TRIP6: variants seen among roughly 807,000 people sequenced by gnomAD.
TRIP6 encodes thyroid hormone receptor interactor 6, also known as thyroid receptor-interacting protein 6.
In TRIP6, 33 loss-of-function variants were observed where a neutral mutation model predicts 51.9. The ratio of observed to expected loss-of-function variants is 0.64; its 90% confidence interval spans 0.48 to 0.85. The LOEUF (loss-of-function observed/expected upper bound fraction) is 0.85, where lower values mean the gene tolerates loss of function less well. Among genes scored for constraint, TRIP6 ranks in the 40% least tolerant of loss-of-function variants. The pLI, the probability that TRIP6 is intolerant of heterozygous loss-of-function variation, is 0.00. For synonymous variants in TRIP6, 255 were observed against 275.8 expected, an observed-to-expected ratio of 0.92 and a Z score of 0.75; for missense variants, 661 against 652.1, an observed-to-expected ratio of 1.01 and a Z score of -0.15.
Position 100,873,363 on chromosome 7 carries a change from T to A in TRIP6, c.*60T>A. The A allele has an allele frequency of 5.2e-6, 8 of 1,552,988 alleles. No homozygotes were observed. Among genetic ancestry groups the A allele is most frequent in the Non-Finnish European group, 7.0e-6 (8 of 1,145,052 alleles). ...CAGTTCCCATCCTTTGATTGATCAC[T>A]CTCCCTGACATCCACCTGTATGACT... On this transcript the variant is annotated 3_prime_UTR_variant, in exon 9 of 9. Transcript: ENST00000200457.
In TRIP6 at chr7:100,872,312, C is replaced by T. The variant is rs372198493; in HGVS notation, c.1179-312C>T. ...CCGCCCAAAGTGCAGGGATAGCAGGCGTAAGCCACTGCACCCAGTCTTCTT... is the reference window on the plus strand; with the variant it reads ...CCGCCCAAAGTGCAGGGATAGCAGGTGTAAGCCACTGCACCCAGTCTTCTT... On this transcript the variant is annotated intron_variant, in intron 7 of 8. Coordinates refer to ENST00000200457, the MANE Select transcript of TRIP6 (RefSeq NM_003302.3). Among the ~76,000 whole-genome samples the T allele has an allele frequency of 1.3e-4, 19 of 151,244 alleles. No homozygotes were observed. In the East Asian group the frequency reaches 2.6e-3, roughly 20 times the overall value.
chr7:100,873,364 C>G lies in TRIP6; in HGVS notation c.*61C>G, dbSNP rs982931099. ...AGTTCCCATCCTTTGATTGATCACT[C>G]TCCCTGACATCCACCTGTATGACTT... is the stretch of plus-strand genomic sequence containing the variant. On this transcript the variant is annotated 3_prime_UTR_variant, in exon 9 of 9. Transcript: ENST00000200457. 5.2e-6 allele frequency: 8 copies of G among 1,552,244 alleles called. No homozygotes were observed. The Admixed American group carries it at 5.4e-5, about 10-fold the overall frequency.
At chr7:100,870,515 A>C (rs776595948) in intron 5 of TRIP6, 52 bp downstream of exon 5, 1 of 1,603,814 alleles carries the variant, frequency 6.2e-7, no homozygotes, top group Non-Finnish European at 8.5e-7. Flanking sequence ...GCTGGGAGAC[A>C]GAGGGGACAG....
chr7:100,868,949 GC>G (rs1815211631), intron 4 of TRIP6, 83 bp downstream of exon 4: 1 of 1,402,002 alleles, frequency 7.1e-7, no homozygotes, highest in South Asian at 1.8e-5. Flanking sequence ...GTTTTAGGGG[GC>G]TTTTTTGTTT....
rs372966811 is a variant in TRIP6 at position 100,871,653 on chromosome 7, C to T, written c.1110C>T (p.Arg370=). The change falls in exon 7 of 9, where the codon CGC becomes CGT. Residue 370 remains arginine, a synonymous_variant. Transcript: ENST00000200457. ...GCTTCACCTGCGTGGTGTGTCACCG[C>T]GGCCTCGACGGCATCCCCTTCACAG... The part of the protein sequence containing the change: ...PGCFTCVVCH[R]GLDGIPFTVD... 21 of 1,613,978 alleles carry T rather than the reference C, an allele frequency of 1.3e-5. No homozygotes were observed. The highest frequency in any genetic ancestry group is 1.1e-4 in the South Asian group (10 of 91,090).
At position 100,872,738 on chromosome 7, in the gene TRIP6, G is replaced by A; in HGVS notation, c.1293G>A (p.Lys431=). The change falls in exon 8 of 9, where the codon AAG becomes AAA. Residue 431 remains lysine, a synonymous_variant. Coordinates refer to ENST00000200457, the MANE Select transcript of TRIP6 (RefSeq NM_003302.3). ...LDRSFHIGCY[K]CEECGLLLSS... ...GAAGTTTTCACATTGGCTGTTACAA[G>A]TGCGAGGTCAGGGGCCCCCAGCACG... 1.2e-6 allele frequency: 2 copies of A among 1,614,074 alleles called. No homozygotes were observed. The highest frequency in any genetic ancestry group is 1.7e-6 in the Non-Finnish European group (2 of 1,179,954).
rs901959948 is a variant in TRIP6, at chr7:100,870,811, A to G, written c.999+68A>G. 35 of 1,542,468 alleles carry G rather than the reference A, an allele frequency of 2.3e-5. No homozygotes were observed. The African/African-American group carries it at 4.2e-4, about 19-fold the overall frequency. ...CAGGGGGCTTCCATCCAAGGTGGTA[A>G]CTAGAGCGTCCAAGACCAAAGGAGG... On this transcript the variant is annotated intron_variant, in intron 6 of 8. Transcript: ENST00000200457.
At chr7:100,871,797 G>T (rs1013497886) in intron 7 of TRIP6, 76 bp downstream of exon 7, 1 of 1,523,296 alleles carries the variant, frequency 6.6e-7, no homozygotes. Context: ...CCCCAGGACT[G>T]TCTCTTCCTG....
At chr7:100,870,513 A>C in intron 5 of TRIP6, 50 bp downstream of exon 5, 1 of 1,605,954 alleles carries the variant, frequency 6.2e-7, no homozygotes, top group Non-Finnish European at 8.5e-7. Context: ...AGGCTGGGAG[A>C]CAGAGGGGAC....
chr7:100,867,861 C>T lies in TRIP6; in HGVS notation c.110C>T (p.Ala37Val). The T allele has an allele frequency of 6.5e-7, 1 of 1,537,422 alleles. No homozygotes were observed. Reference protein sequence around the residue: ...TPGPPPAHGAALQPHPRVNFC... With the variant: ...TPGPPPAHGAVLQPHPRVNFC... ...TTTGATTTCTCTTCCCTCAACCCAG[C>T]ACTCCAGCCCCACCCCAGGGTCAAT... The change falls in exon 2 of 9, where the codon GCA becomes GTA. Residue 37 changes from alanine (A) to valine (V), a missense_variant and splice_region_variant. Coordinates refer to ENST00000200457, the MANE Select transcript of TRIP6 (RefSeq NM_003302.3). This position sits in a 1 kb window ranked among gnomAD's most constrained non-coding sequence, Gnocchi z 5.4.
chr7:100,869,632 CAAAA>C (rs757024618), intron 4 of TRIP6, among the ~76,000 whole-genome samples: 1 of 37,640 alleles, frequency 2.7e-5, no homozygotes, highest in Non-Finnish European at 5.4e-5. Context: ...AACTCTGTCT[CAAAA>C]AAAAAAAAAA....
At position 100,868,846 on chromosome 7, in the gene TRIP6, G is replaced by A. The variant is rs943305136; in HGVS notation, c.715G>A (p.Gly239Arg). 5 of 1,514,604 alleles carry A rather than the reference G, an allele frequency of 3.3e-6. No individual in the cohort carries two copies. Among genetic ancestry groups the A allele is most frequent in the Non-Finnish European group, 3.5e-6 (4 of 1,137,200 alleles). 93.8% of individuals were successfully genotyped at this position (1,514,604 alleles called of 1,614,324 possible). ...GVSGPAGRGR[G>R]GEHGPQVPLS... ...CTCTGGCCCTGCAGGAAGAGGAAGA[G>A]GAGGCGAGCACGGGCCCCAGGTGAG... The change falls in exon 4 of 9, where the codon GGA becomes AGA. Residue 239 changes from glycine (G) to arginine (R), a missense_variant. Physicochemically the swap from Gly to Arg is moderately radical, Grantham distance 125. Transcript: ENST00000200457.
chr7:100,871,275 T>C (rs889165179), intron 6 of TRIP6: 1 of 549,182 alleles, frequency 1.8e-6, no homozygotes, highest in East Asian at 3.2e-5. Context: ...CCTCAAGCAG[T>C]CCGCCCACTC....
chr7:100,870,145 C>A (rs968632309), intron 4 of TRIP6, among the ~76,000 whole-genome samples: 3 of 152,188 alleles, frequency 2.0e-5, no homozygotes, highest in African/African-American at 7.2e-5. Flanking sequence ...AGGGTTCATG[C>A]TCCTATGAGA....
chr7:100,868,143 A>T lies in TRIP6; in HGVS notation c.273A>T (p.Gly91=). ...LPADRGGLRP[G]SLDAEIDLLS... The stretch of plus-strand genomic sequence containing the variant: ...CAGACAGGGGGGGCCTTCGCCCTGG[A>T]AGCCTGGACGCCGAGATAGACTTGC... Residue 91 remains glycine (G), a synonymous_variant, in exon 3 of 9, where the codon GGA becomes GGT. Coordinates refer to ENST00000200457, the MANE Select transcript of TRIP6 (RefSeq NM_003302.3). 6.2e-7 allele frequency: 1 copy of T among 1,611,936 alleles called. No individual in the cohort carries two copies. Among genetic ancestry groups the T allele is most frequent in the Non-Finnish European group, 8.5e-7 (1 of 1,179,344 alleles).
chr7:100,873,042 G>T (rs1452887930), intron 8 of TRIP6, 130 bp from the exon 9 acceptor site: 13 of 1,321,940 alleles, frequency 9.8e-6, no homozygotes, highest in Non-Finnish European at 1.2e-5. Context: ...GTAGAGACAG[G>T]GTTTCACCAT....
chr7:100,871,493 T>C (rs1378025450), intron 6 of TRIP6, 50 bp from the exon 7 acceptor site: 1 of 1,589,394 alleles, frequency 6.3e-7, no homozygotes, highest in East Asian at 2.2e-5. Flanking sequence ...CCTGTTGAGC[T>C]GCCATGGCTC....
In TRIP6 at chr7:100,873,320, C is replaced by A; in HGVS notation, c.*17C>A. 1 of 1,589,426 alleles carries A rather than the reference C, an allele frequency of 6.3e-7. No individual in the cohort carries two copies. The highest frequency in any genetic ancestry group is 1.7e-5 in the Admixed American group (1 of 59,490). On this transcript the variant is annotated 3_prime_UTR_variant, in exon 9 of 9. Coordinates refer to ENST00000200457, the MANE Select transcript of TRIP6 (RefSeq NM_003302.3). ...GACTGCTGAGTCTTCCTAGAAGTAC[C>A]TGCTGGGTTCTCAGTTCCAGTTCCC...
In TRIP6 at chr7:100,873,425, G is replaced by A. The variant is rs1368494620; in HGVS notation, c.*122G>A. 1 of 1,391,472 alleles carries A rather than the reference G, an allele frequency of 7.2e-7. No individual in the cohort carries two copies. Among genetic ancestry groups the A allele is most frequent in the Non-Finnish European group, 9.6e-7 (1 of 1,045,786 alleles). 86.2% of individuals were successfully genotyped at this position (1,391,472 alleles called of 1,614,324 possible). A position where few individuals can be genotyped will look rare whatever the true frequency, so the allele number is the denominator to read the frequency against. On this transcript the variant is annotated 3_prime_UTR_variant, in exon 9 of 9. Transcript: ENST00000200457. ...TGCTGTCTTCTCTTTCTCCAATCAA[G>A]AAATAATAATCCCTCGAGTTTACAA...
Sources: allele counts gnomAD v4.1 joint callset (sites outside exome capture counted in the v4.1 genomes callset), GRCh38; gene constraint gnomAD v4.1.1; non-coding constraint Gnocchi (gnomAD v3.1); transcripts MANE v1.5; gene names NCBI Gene and HGNC (gene_info 2026-07-23, HGNC 2026-07-21).